DPP10: variants seen among roughly 807,000 people sequenced by gnomAD.
The protein encoded by DPP10 is dipeptidyl peptidase like 10.
In DPP10, 33 loss-of-function variants were observed where a neutral mutation model predicts 120.9. That is an observed-to-expected ratio of 0.27 (90% CI 0.21 to 0.37). The LOEUF is 0.37. Among genes scored for constraint, DPP10 ranks in the 10% least tolerant of loss-of-function variants. DPP10 has a pLI of 1.00. For missense variants in DPP10, 816 were observed against 942.8 expected (o/e 0.87, Z 1.76); for synonymous variants, 337 against 326.1 (o/e 1.03, Z -0.36).
intron 7 of DPP10, among the ~76,000 whole-genome samples, chr2:115,713,694 T>G (rs970848061): frequency 6.6e-6 from 1 of 152,214 alleles, no homozygotes; most frequent in Non-Finnish European, 1.5e-5. Context: ...TGAGAGACTG[T>G]GCAGATAACT....
chr2:114,976,571 C>A (rs757798168), intron 1 of DPP10, among the ~76,000 whole-genome samples: 1 of 152,152 alleles, frequency 6.6e-6, no homozygotes, highest in East Asian at 1.9e-4. Flanking sequence ...ATCATACTTT[C>A]CTTTTTAAAC....
chr2:115,534,255 C>T (rs948704677), intron 5 of DPP10, among the ~76,000 whole-genome samples: 1 of 152,084 alleles, frequency 6.6e-6, no homozygotes, highest in Non-Finnish European at 1.5e-5. Context: ...TGCTATCCCT[C>T]CCCACTCCCG....
chr2:115,164,726 A>G (rs1445819037), intron 1 of DPP10, among the ~76,000 whole-genome samples: 1 of 152,186 alleles, frequency 6.6e-6, no homozygotes, highest in African/African-American at 2.4e-5. Context: ...GAACCATATA[A>G]TTTGGTTACA....
At chr2:114,537,069 G>T (rs1686560333) in intron 1 of DPP10, among the ~76,000 whole-genome samples, 1 of 152,174 alleles carries the variant, frequency 6.6e-6, no homozygotes, top group South Asian at 2.1e-4. Context: ...AGGATATTGG[G>T]TGAAGGGGCT....
rs867051130 is a variant in DPP10 at position 114,643,598 on chromosome 2, A to C, written c.60+200760A>C. On this transcript the variant is annotated intron_variant, in intron 1 of 25. Coordinates refer to ENST00000410059, the MANE Select transcript of DPP10 (RefSeq NM_020868.6). ...CTGGACTGCATATCATTCAGTTCCC[A>C]GCTAGTTTTCTCTTCATTTATTTGT... 4.0e-5 allele frequency among the ~76,000 whole-genome samples: 6 copies of C among 151,896 alleles called. No individual in the cohort carries two copies. The South Asian group carries it at 1.2e-3, about 32-fold the overall frequency.
chr2:114,911,613 G>A (rs183540236), intron 1 of DPP10, among the ~76,000 whole-genome samples: 5 of 152,186 alleles, frequency 3.3e-5, no homozygotes, highest in Admixed American at 1.3e-4. Context: ...TGGGGCAAAG[G>A]ATGAGAAGAA....
intron 13 of DPP10, among the ~76,000 whole-genome samples, chr2:115,769,789 ATTACT>A (rs1439514261): frequency 3.3e-5 from 5 of 152,114 alleles, no homozygotes; most frequent in Admixed American, 6.5e-5. Context: ...AGACTAGCAA[ATTACT>A]TTACTTTATA....
intron 3 of DPP10, among the ~76,000 whole-genome samples, chr2:115,474,398 G>A (rs1044416765): frequency 6.6e-5 from 10 of 152,122 alleles, no homozygotes; most frequent in African/African-American, 2.2e-4. Context: ...AGACCATATC[G>A]ACTTGAACTG....
At chr2:115,501,603 A>G (rs969928273) in intron 4 of DPP10, among the ~76,000 whole-genome samples, 1 of 152,106 alleles carries the variant, frequency 6.6e-6, no homozygotes, top group Non-Finnish European at 1.5e-5. Context: ...TTATGTCACA[A>G]CACAGATAAT....
intron 3 of DPP10, among the ~76,000 whole-genome samples, chr2:115,458,119 G>A (rs1521081): frequency 0.83 from 125,816 of 152,000 alleles, 55,108 homozygotes; most frequent in Non-Finnish European, 0.97. Flanking sequence ...GAGACAAAGA[G>A]CAGATTGCCT....
intron 1 of DPP10, among the ~76,000 whole-genome samples, chr2:114,630,126 T>G (rs540158521): frequency 1.5e-3 from 229 of 152,274 alleles, no homozygotes; most frequent in South Asian, 5.4e-3. Flanking sequence ...GAGATGATCG[T>G]TTTTTCTCTC....
intron 4 of DPP10, among the ~76,000 whole-genome samples, chr2:115,519,342 G>T (rs1191553419): frequency 6.6e-6 from 1 of 152,040 alleles, no homozygotes; most frequent in Admixed American, 6.6e-5. Context: ...TAAAAATTAC[G>T]TAGTTGTATC....
intron 1 of DPP10, among the ~76,000 whole-genome samples, chr2:115,151,557 A>G (rs886531015): frequency 5.3e-5 from 8 of 151,514 alleles, no homozygotes; most frequent in African/African-American, 1.9e-4. Flanking sequence ...ACAGGCACCT[A>G]CCACCACACC....
intron 1 of DPP10, among the ~76,000 whole-genome samples, chr2:115,067,985 G>A (rs1707061739): frequency 1.3e-5 from 2 of 151,790 alleles, no homozygotes. Context: ...TATGAAAACA[G>A]TTGATTCCGT....
chr2:115,614,825 C>A (rs1343243222), intron 5 of DPP10, among the ~76,000 whole-genome samples: 1 of 152,134 alleles, frequency 6.6e-6, no homozygotes, highest in Non-Finnish European at 1.5e-5. Context: ...TGAGGGAGAT[C>A]ATCTCTGAGA....
intron 1 of DPP10, among the ~76,000 whole-genome samples, chr2:114,928,415 C>A (rs904179392): frequency 2.0e-5 from 3 of 152,182 alleles, no homozygotes; most frequent in Non-Finnish European, 2.9e-5. Flanking sequence ...GTAGGGCTGA[C>A]ATTAAATCTT....
chr2:115,188,561 C>T (rs1018594541), intron 1 of DPP10, among the ~76,000 whole-genome samples: 3 of 152,046 alleles, frequency 2.0e-5, no homozygotes, highest in East Asian at 1.9e-4. Flanking sequence ...ATACAATAAA[C>T]GAAATGTTTT....
chr2:115,802,805 A>G (rs1197802116), intron 19 of DPP10, among the ~76,000 whole-genome samples: 1 of 152,126 alleles, frequency 6.6e-6, no homozygotes, highest in Admixed American at 6.5e-5. Context: ...ATAGTTTGTT[A>G]TAATTTCTGT....
At chr2:115,384,452 G>A (rs547185873) in intron 3 of DPP10, among the ~76,000 whole-genome samples, 2 of 47,250 alleles carry the variant, frequency 4.2e-5, no homozygotes, top group African/African-American at 1.1e-4. Context: ...GGAGGAAGAA[G>A]AAGAAGGAAG....
Sources: gnomAD v4.1 joint callset for allele counts (sites outside exome capture counted in the v4.1 genomes callset) on GRCh38, gnomAD v4.1.1 for gene constraint, MANE v1.5 for transcripts, NCBI Gene and HGNC (gene_info 2026-07-23, HGNC 2026-07-21) for gene names.